Variants in LRRC37A2 observed in about 807,000 individuals in gnomAD.
LRRC37A2 encodes the protein leucine rich repeat containing 37 member A2.
In LRRC37A2, 9 loss-of-function variants were observed where a neutral mutation model predicts 68.8. The ratio of observed to expected loss-of-function variants is 0.13; its 90% CI spans 0.08 to 0.23. The LOEUF is 0.23. LRRC37A2 is among the 10% of genes least tolerant of loss of function. The pLI, the probability that LRRC37A2 is intolerant of heterozygous loss-of-function variation, is 1.00. For synonymous variants in LRRC37A2, 63 were observed against 367.6 expected, an observed-to-expected ratio of 0.17 and a Z score of 9.48; for missense variants, 168 against 950.4, an observed-to-expected ratio of 0.18 and a Z score of 10.82.
At chr17:46,773,144 G>A in the LRRC37A2 span, among the ~76,000 whole-genome samples, 1 of 152,074 alleles carries the variant, frequency 6.6e-6, no homozygotes, top group Non-Finnish European at 1.5e-5. Context: ...GTTACCCAGA[G>A]GCCAGTGCAC....
chr17:46,609,852 G>T, the LRRC37A2 span, among the ~76,000 whole-genome samples: 1 of 139,244 alleles, frequency 7.2e-6, no homozygotes, highest in Non-Finnish European at 1.6e-5. Flanking sequence ...TTGAGATAGG[G>T]TATCACTTTG....
At chr17:46,496,777 C>T in the LRRC37A2 span, among the ~76,000 whole-genome samples, 7 of 132,488 alleles carry the variant, frequency 5.3e-5, no homozygotes, top group African/African-American at 1.7e-4. Context: ...TAGCCAGGCA[C>T]GGTGGCAGCT....
chr17:46,736,306 G>A, the LRRC37A2 span, among the ~76,000 whole-genome samples: 2 of 152,210 alleles, frequency 1.3e-5, no homozygotes, highest in Admixed American at 6.5e-5. Flanking sequence ...TGGCCCACCT[G>A]CTTCCTTTCC....
chr17:46,872,561 C>G, the LRRC37A2 span: 9 of 1,588,498 alleles, frequency 5.7e-6, no homozygotes, highest in African/African-American at 9.4e-5. Context: ...GGATTGGGCA[C>G]TGCGGCAGCC....
intron 11 of LRRC37A2, among the ~76,000 whole-genome samples, chr17:46,551,095 A>G (rs1437378538): frequency 6.7e-6 from 1 of 149,952 alleles, no homozygotes; most frequent in Non-Finnish European, 1.5e-5. Context: ...GGAACGTCTC[A>G]TACTCTAGCC....
chr17:46,866,047 C>T, the LRRC37A2 span, among the ~76,000 whole-genome samples: 16,251 of 152,152 alleles, frequency 0.11, 974 homozygotes, highest in African/African-American at 0.12. Flanking sequence ...TAGTAGCTTC[C>T]GAATTTGCCT....
chr17:46,844,924 T>C, the LRRC37A2 span, among the ~76,000 whole-genome samples: 3 of 152,242 alleles, frequency 2.0e-5, no homozygotes, highest in East Asian at 5.8e-4. Flanking sequence ...CTCTGCTCAC[T>C]GCAACCTCCG....
chr17:46,817,512 C>T, the LRRC37A2 span, among the ~76,000 whole-genome samples: 1 of 152,176 alleles, frequency 6.6e-6, no homozygotes, highest in Non-Finnish European at 1.5e-5. Context: ...CCCCTCTGGC[C>T]CCTGGGACCT....
chr17:46,860,005 A>C, the LRRC37A2 span, among the ~76,000 whole-genome samples: 1 of 152,334 alleles, frequency 6.6e-6, no homozygotes, highest in South Asian at 2.1e-4. Context: ...GGGGCCTGAG[A>C]AAAACATAGT....
chr17:46,884,774 C>T, the LRRC37A2 span, among the ~76,000 whole-genome samples: 3 of 152,126 alleles, frequency 2.0e-5, no homozygotes, highest in Non-Finnish European at 4.4e-5. Context: ...AAGTATGAGG[C>T]GGGGCCAGCT....
chr17:46,533,831 C>T (rs1221937750), intron 6 of LRRC37A2, among the ~76,000 whole-genome samples: 1 of 94,296 alleles, frequency 1.1e-5, no homozygotes, highest in Non-Finnish European at 1.9e-5. Context: ...TGCAGATTCA[C>T]GTTAGTACTC....
chr17:46,955,349 C>T, the LRRC37A2 span, among the ~76,000 whole-genome samples: 1 of 152,094 alleles, frequency 6.6e-6, no homozygotes, highest in Non-Finnish European at 1.5e-5. Context: ...ACCAGCCTTG[C>T]ATCCCAGGGA....
the LRRC37A2 span, among the ~76,000 whole-genome samples, chr17:46,720,196 A>C: frequency 6.6e-6 from 1 of 152,292 alleles, no homozygotes. Flanking sequence ...TGATTTGTTG[A>C]AGTTTTTGCA....
the LRRC37A2 span, among the ~76,000 whole-genome samples, chr17:46,779,103 A>ACACACCCCCC: frequency 2.5e-4 from 34 of 133,650 alleles, no homozygotes; most frequent in East Asian, 2.8e-3. Flanking sequence ...ACACACACAC[A>ACACACCCCCC]CCCCAGCCCA....
At chr17:46,728,752 G>A in the LRRC37A2 span, 3 of 683,916 alleles carry the variant, frequency 4.4e-6, no homozygotes, top group Admixed American at 8.6e-5. Flanking sequence ...GCTTATGTAG[G>A]GACTGTGTTT....
the LRRC37A2 span, among the ~76,000 whole-genome samples, chr17:46,882,450 A>T: frequency 6.6e-6 from 1 of 152,154 alleles, no homozygotes; most frequent in Non-Finnish European, 1.5e-5. Flanking sequence ...TGCTGTAAGG[A>T]GCCACAGGAT....
At chr17:47,018,583 A>G in the LRRC37A2 span, 1 of 1,520,264 alleles carries the variant, frequency 6.6e-7, no homozygotes, top group Non-Finnish European at 9.1e-7. Flanking sequence ...CTGCTTCCAG[A>G]GTCATCGGAA....
At chr17:46,923,515 A>C in the LRRC37A2 span, 2 of 1,376,200 alleles carry the variant, frequency 1.5e-6, no homozygotes, top group Non-Finnish European at 1.9e-6. Flanking sequence ...GCAGGTTATA[A>C]AACTTTGTCC....
the LRRC37A2 span, among the ~76,000 whole-genome samples, chr17:46,888,457 C>T: frequency 1.3e-5 from 2 of 152,136 alleles, no homozygotes; most frequent in Non-Finnish European, 2.9e-5. Flanking sequence ...CCTAAGGCTG[C>T]CACTGACTCT....
Sources: allele counts gnomAD v4.1 joint callset (sites outside exome capture counted in the v4.1 genomes callset), GRCh38; gene constraint gnomAD v4.1.1; transcripts MANE v1.5; gene names NCBI Gene and HGNC (gene_info 2026-07-23, HGNC 2026-07-21).